Variants in LEKR1 observed in about 807,000 individuals in gnomAD.
LEKR1 encodes the protein protein LEKR1.
Under a neutral mutation model 72.4 loss-of-function variants are expected in LEKR1, and 59 were observed. The observed-to-expected ratio is 0.82, with a 90% confidence interval of 0.66 to 1.01. The LOEUF is 1.01. Among genes scored for constraint, LEKR1 ranks in the 50% least tolerant of loss-of-function variants. LEKR1 has a pLI of 0.00. For missense variants in LEKR1, 728 were observed against 759.2 expected, an observed-to-expected ratio of 0.96 and a Z score of 0.48; for synonymous variants, 257 against 263.2, an observed-to-expected ratio of 0.98 and a Z score of 0.23.
intron 3 of LEKR1, among the ~76,000 whole-genome samples, chr3:156,864,806 C>A (rs947967223): frequency 6.6e-6 from 1 of 151,936 alleles, no homozygotes; most frequent in Non-Finnish European, 1.5e-5. Flanking sequence ...TTTTATGTGG[C>A]CTTTCATGAT....
At chr3:156,850,426 A>G (rs1715213166) in intron 2 of LEKR1, among the ~76,000 whole-genome samples, 1 of 152,136 alleles carries the variant, frequency 6.6e-6, no homozygotes. Flanking sequence ...CCAAATGGCA[A>G]GTAGGGAAGC....
intron 3 of LEKR1, among the ~76,000 whole-genome samples, chr3:156,901,680 A>T: frequency 6.6e-6 from 1 of 152,068 alleles, no homozygotes; most frequent in Admixed American, 6.6e-5. Context: ...TTAATGATCC[A>T]TTTTGTTTTG....
intron 2 of LEKR1, among the ~76,000 whole-genome samples, chr3:156,845,594 A>G (rs1379177313): frequency 6.6e-6 from 1 of 151,618 alleles, no homozygotes; most frequent in Admixed American, 6.6e-5. Flanking sequence ...TGAAAAGGCT[A>G]TCTTTCTTTC....
chr3:156,866,886 T>C (rs1287181316), intron 3 of LEKR1, among the ~76,000 whole-genome samples: 1 of 152,054 alleles, frequency 6.6e-6, no homozygotes. Context: ...CCCTGCATAC[T>C]GTCCTTCATA....
chr3:156,894,505 A>G (rs550308964), intron 3 of LEKR1, among the ~76,000 whole-genome samples: 1 of 152,192 alleles, frequency 6.6e-6, no homozygotes, highest in African/African-American at 2.4e-5. Flanking sequence ...TTAGATTTTT[A>G]TGTAGTGATA....
intron 9 of LEKR1, among the ~76,000 whole-genome samples, chr3:157,008,174 T>C (rs1452664031): frequency 6.6e-6 from 1 of 152,206 alleles, no homozygotes; most frequent in African/African-American, 2.4e-5. Flanking sequence ...TCACATTTGC[T>C]GGATTTTGAG....
intron 6 of LEKR1, among the ~76,000 whole-genome samples, chr3:156,973,349 A>T (rs1003219190): frequency 6.6e-6 from 1 of 152,112 alleles, no homozygotes; most frequent in Non-Finnish European, 1.5e-5. Flanking sequence ...CACATTTATT[A>T]GCTATGATGA....
chr3:156,994,622 T>C (rs2108010818), intron 9 of LEKR1, among the ~76,000 whole-genome samples: 1 of 152,280 alleles, frequency 6.6e-6, no homozygotes, highest in Admixed American at 6.5e-5. Flanking sequence ...AAAAAAGGAA[T>C]GATAGTTGAA....
intron 12 of LEKR1, among the ~76,000 whole-genome samples, chr3:157,028,941 G>A (rs1320453079): frequency 2.0e-5 from 3 of 152,078 alleles, no homozygotes; most frequent in African/African-American, 7.2e-5. Context: ...GACCTATTTT[G>A]ATTTGAAAAC....
At chr3:156,998,460 T>G (rs1275124754) in intron 9 of LEKR1, among the ~76,000 whole-genome samples, 1 of 152,180 alleles carries the variant, frequency 6.6e-6, no homozygotes, top group Non-Finnish European at 1.5e-5. Context: ...TCATACCCTT[T>G]GCATTCTTAG....
chr3:157,028,502 A>G, intron 12 of LEKR1, 100 bp downstream of exon 12: 1 of 1,008,924 alleles, frequency 9.9e-7, no homozygotes, highest in Admixed American at 2.8e-5. Context: ...TCATGGAAAG[A>G]GTCCTGGAAT....
chr3:156,864,518 C>CT (rs1329295074), intron 3 of LEKR1, among the ~76,000 whole-genome samples: 1 of 152,042 alleles, frequency 6.6e-6, no homozygotes, highest in Non-Finnish European at 1.5e-5. Flanking sequence ...CTTCCAGATA[C>CT]TTTCTTAGCT....
intron 3 of LEKR1, among the ~76,000 whole-genome samples, chr3:156,881,168 G>A (rs1457516322): frequency 6.6e-6 from 1 of 152,064 alleles, no homozygotes; most frequent in Non-Finnish European, 1.5e-5. Context: ...GGCAGGAGAA[G>A]GAAATAAAGG....
At chr3:156,946,265 A>G (rs753289875) in intron 6 of LEKR1, among the ~76,000 whole-genome samples, 4 of 151,622 alleles carry the variant, frequency 2.6e-5, no homozygotes, top group Admixed American at 6.6e-5. Context: ...TCATATAGAA[A>G]TGCTGCTGAT....
chr3:156,898,152 A>G (rs894062488), intron 3 of LEKR1, among the ~76,000 whole-genome samples: 1 of 152,174 alleles, frequency 6.6e-6, no homozygotes. Context: ...TACAGATGCA[A>G]ATTTTCCCCC....
chr3:156,931,509 T>C (rs972343490), intron 5 of LEKR1, among the ~76,000 whole-genome samples: 2 of 152,176 alleles, frequency 1.3e-5, no homozygotes, highest in Non-Finnish European at 2.9e-5. Context: ...ACCCAAGGAA[T>C]GTGAAAATGT....
Position 156,942,645 on chromosome 3 carries a change from A to T in LEKR1, c.676A>T (p.Ile226Phe), listed in dbSNP as rs957340843. Residue 226 changes from isoleucine (I) to phenylalanine (F), a missense_variant, in exon 6 of 13, where the codon ATT becomes TTT. Coordinates refer to ENST00000356539, the MANE Select transcript of LEKR1 (RefSeq NM_001004316.3). ...TGCAGCCATATTGAGATCTCAGCAG[A>T]TTCGGACATCTAGACAACAGGAAGT... Reference protein sequence around the residue: ...SDAAILRSQQIRTSRQQEVNL... With the variant: ...SDAAILRSQQFRTSRQQEVNL... 3 of 1,271,256 alleles carry T rather than the reference A, an allele frequency of 2.4e-6. No individual in the cohort carries two copies. The highest frequency in any genetic ancestry group is 2.6e-5 in the Admixed American group (1 of 38,224). 78.7% of individuals were successfully genotyped at this position (1,271,256 alleles called of 1,614,324 possible). A position where few individuals can be genotyped will look rare whatever the true frequency, so the allele number is the denominator to read the frequency against.
At chr3:156,995,590 G>T (rs1242265588) in intron 9 of LEKR1, among the ~76,000 whole-genome samples, 2 of 152,144 alleles carry the variant, frequency 1.3e-5, no homozygotes, top group East Asian at 3.9e-4. Context: ...CCAGCATTTT[G>T]GGAGGCCAAG....
chr3:156,965,878 T>C (rs1348044600), intron 6 of LEKR1, among the ~76,000 whole-genome samples: 2 of 152,194 alleles, frequency 1.3e-5, no homozygotes, highest in Non-Finnish European at 2.9e-5. Context: ...TTTTTGCATG[T>C]GCAAGGGTTT....
Sources: allele counts gnomAD v4.1 joint callset (sites outside exome capture counted in the v4.1 genomes callset), GRCh38; gene constraint gnomAD v4.1.1; transcripts MANE v1.5; gene names NCBI Gene and HGNC (gene_info 2026-07-23, HGNC 2026-07-21).